PKD2L2: variants seen among roughly 807,000 people sequenced by gnomAD.
The protein encoded by PKD2L2 is polycystin-2-like protein 2.
A neutral mutation model predicts 83.9 loss-of-function variants in PKD2L2; 67 were observed. The ratio of observed to expected loss-of-function variants is 0.80; its 90% CI spans 0.66 to 0.98. PKD2L2 has a LOEUF of 0.98. Ranked by LOEUF, PKD2L2 falls within the 50% of genes least tolerant of loss-of-function variation. The pLI is 0.00. For missense variants in PKD2L2, 632 were observed against 717.2 expected, an observed-to-expected ratio of 0.88 and a Z score of 1.36; for synonymous variants, 223 against 237.8, an observed-to-expected ratio of 0.94 and a Z score of 0.57.
intron 12 of PKD2L2, among the ~76,000 whole-genome samples, chr5:137,928,183 A>C (rs1759531289): frequency 6.6e-6 from 1 of 152,180 alleles, no homozygotes; most frequent in South Asian, 2.1e-4. Flanking sequence ...TAAAGGCTCA[A>C]ACATGCCTGA....
At chr5:137,922,575 T>C (rs1759009557) in intron 9 of PKD2L2, among the ~76,000 whole-genome samples, 1 of 151,844 alleles carries the variant, frequency 6.6e-6, no homozygotes, top group Non-Finnish European at 1.5e-5. Context: ...CTGTCTCTAC[T>C]AAAAATACAA....
chr5:137,936,378 A>G lies in PKD2L2; in HGVS notation c.1843A>G (p.Asn615Asp). The change falls in exon 14 of 15, where the codon AAT (asparagine) becomes GAT (aspartate). Residue 615 changes from asparagine to aspartate, a missense_variant. By Grantham distance (23) the Asn-to-Asp change is conservative. This residue lies in a region of PKD2L2 where 399 missense variants were observed against 416.9 expected (regional missense o/e 0.96). Transcript: ENST00000508883. ...KELHYINLKL[N>D]QVVRKVSAL ...ATTACACTACATCAATTTGAAGCTA[A>G]ATCAAGTGGTGAGAAAGGTTTCAGC... 6.5e-7 allele frequency: 1 copy of G among 1,534,700 alleles called. No homozygotes were observed. Among genetic ancestry groups the G allele is most frequent in the South Asian group, 1.2e-5 (1 of 84,022 alleles).
At chr5:137,942,140 G>T in intron 14 of PKD2L2, 1 of 959,412 alleles carries the variant, frequency 1.0e-6, no homozygotes, top group East Asian at 2.6e-5. Context: ...AAGTGGCTGG[G>T]GAACTGTTAG....
chr5:137,902,013 T>C (rs907145627), intron 5 of PKD2L2, among the ~76,000 whole-genome samples: 55 of 146,866 alleles, frequency 3.7e-4, no homozygotes, highest in African/African-American at 1.4e-3. Flanking sequence ...AAAAAAAAAG[T>C]GGGAGGGTGA....
chr5:137,906,715 C>G (rs186510412), intron 6 of PKD2L2, among the ~76,000 whole-genome samples: 1,679 of 152,150 alleles, frequency 0.011, 31 homozygotes, highest in African/African-American at 0.038. Flanking sequence ...CTCCCTACCC[C>G]TACTTAAAAA....
At chr5:137,891,670 A>G (rs1344162824) in intron 2 of PKD2L2, among the ~76,000 whole-genome samples, 2 of 151,952 alleles carry the variant, frequency 1.3e-5, no homozygotes. Context: ...AGCAACCTGA[A>G]TCTCCATTTA....
chr5:137,924,925 CT>C, intron 10 of PKD2L2, 114 bp from the exon 11 acceptor site: 1 of 686,010 alleles, frequency 1.5e-6, no homozygotes. Context: ...CTCCACAGTC[CT>C]TTAGGGTAGC....
At chr5:137,902,665 AT>A (rs1015252361) in intron 5 of PKD2L2, among the ~76,000 whole-genome samples, 7 of 151,754 alleles carry the variant, frequency 4.6e-5, no homozygotes, top group South Asian at 2.1e-4. Context: ...AATGGGAATA[AT>A]TTTTTTTTCT....
At chr5:137,926,708 T>C (rs918281285) in intron 12 of PKD2L2, among the ~76,000 whole-genome samples, 1 of 152,220 alleles carries the variant, frequency 6.6e-6, no homozygotes, top group African/African-American at 2.4e-5. Context: ...CTTCGAGGTC[T>C]CGCTAATTCC....
chr5:137,925,890 T>C lies in PKD2L2; in HGVS notation c.1632T>C (p.Asp544=). The change falls in exon 12 of 15, where the codon GAT becomes GAC. Residue 544 remains aspartate, a synonymous_variant. Coordinates refer to ENST00000508883, the MANE Select transcript of PKD2L2 (RefSeq NM_001300921.2). ...DEDKKTKGSG[D]LAEQARREGF... ...TTCTCAATAGCAAAGGCAGCGGAGA[T>C]TTGGCTGAACAAGCCAGAAGAGAAG... 2 of 1,598,540 alleles carry C rather than the reference T, an allele frequency of 1.3e-6. No homozygotes were observed. Among genetic ancestry groups the C allele is most frequent in the African/African-American group, 1.3e-5 (1 of 74,830 alleles).
At chr5:137,934,437 TA>T (rs1263559691) in intron 12 of PKD2L2, among the ~76,000 whole-genome samples, 1 of 152,182 alleles carries the variant, frequency 6.6e-6, no homozygotes, top group Non-Finnish European at 1.5e-5. Context: ...AAAGTATTAG[TA>T]AATGAGCCAA....
intron 14 of PKD2L2, chr5:137,940,514 G>A: frequency 1.8e-6 from 1 of 553,218 alleles, no homozygotes. Flanking sequence ...TCATCCCCAA[G>A]GAACACTTCT....
chr5:137,923,387 T>C, intron 9 of PKD2L2, 33 bp from the exon 10 acceptor site: 1 of 983,840 alleles, frequency 1.0e-6, no homozygotes, highest in African/African-American at 1.6e-5. Flanking sequence ...ACTAAATTTT[T>C]ATTGAAATAA....
intron 12 of PKD2L2, among the ~76,000 whole-genome samples, chr5:137,933,226 T>C (rs140294899): frequency 6.6e-6 from 1 of 152,254 alleles, no homozygotes; most frequent in African/African-American, 2.4e-5. Context: ...ATTCCACTCC[T>C]GTGGCATACA....
rs1308919098 is a variant in PKD2L2 at position 137,930,068 on chromosome 5, C to CA, written c.1671+4147dup. Among the ~76,000 whole-genome samples, 57 of 150,838 alleles carry CA rather than the reference C, an allele frequency of 3.8e-4. 1 individual carries two copies. The East Asian group carries it at 9.2e-3, about 24-fold the overall frequency. ...TTTAAAAAGGAGAAATAGGAACACA[C>CA]AAAAAAAACAAAGAACAGATCAAGA... On this transcript the variant is annotated intron_variant, in intron 12 of 14. Transcript: ENST00000508883.
At chr5:137,917,654 A>AT (rs1758502159) in intron 8 of PKD2L2, among the ~76,000 whole-genome samples, 1 of 150,520 alleles carries the variant, frequency 6.6e-6, no homozygotes, top group South Asian at 2.1e-4. Flanking sequence ...TGATATTTCC[A>AT]TTTTGTTCAT....
intron 12 of PKD2L2, 113 bp downstream of exon 12, chr5:137,926,042 G>T (rs1759352608): frequency 1.7e-6 from 1 of 595,738 alleles, no homozygotes; most frequent in Non-Finnish European, 3.0e-6. Flanking sequence ...AATAGTAATT[G>T]TCATCTCCAA....
intron 8 of PKD2L2, among the ~76,000 whole-genome samples, chr5:137,914,894 T>C (rs1050362285): frequency 6.6e-6 from 1 of 152,254 alleles, no homozygotes; most frequent in Admixed American, 6.5e-5. Flanking sequence ...ATATGGTTTT[T>C]ATCCTTCATT....
intron 4 of PKD2L2, 67 bp from the exon 5 acceptor site, chr5:137,899,449 T>G (rs1756769901): frequency 9.0e-7 from 1 of 1,115,154 alleles, no homozygotes; most frequent in African/African-American, 1.6e-5. Context: ...AAAGATCGAT[T>G]TAAATTCTTA....
Sources: allele counts gnomAD v4.1 joint callset (sites outside exome capture counted in the v4.1 genomes callset), GRCh38; gene constraint gnomAD v4.1.1; regional missense constraint gnomAD v4.1.1; transcripts MANE v1.5; gene names NCBI Gene and HGNC (gene_info 2026-07-23, HGNC 2026-07-21).